Variants in GPC4 observed in about 807,000 individuals in gnomAD.
GPC4 encodes the protein glypican 4, also known as glypican-4.
A neutral mutation model predicts 35.0 loss-of-function variants in GPC4; 10 were observed. The observed-to-expected ratio is 0.29, with a 90% confidence interval of 0.18 to 0.48. The LOEUF (loss-of-function observed/expected upper bound fraction) is 0.48. Ranked by LOEUF, GPC4 falls within the 20% of genes least tolerant of loss-of-function variation. GPC4 has a pLI of 0.99. For synonymous variants in GPC4, 167 were observed against 170.2 expected (o/e 0.98, Z 0.15); for missense variants, 322 against 451.3 (o/e 0.71, Z 2.60).
chrX:133,414,540 C>T (rs2124191313), intron 1 of GPC4: 1 of 751,216 alleles, frequency 1.3e-6, no homozygotes, highest in East Asian at 1.6e-4. Flanking sequence ...AGGCGGGGAG[C>T]GGAGCGCGAC....
intron 1 of GPC4, among the ~76,000 whole-genome samples, chrX:133,386,985 G>A (rs1248742224): frequency 9.0e-6 from 1 of 111,371 alleles, no homozygotes; most frequent in Non-Finnish European, 1.9e-5. Context: ...GAAGTTTCAT[G>A]CGACCTGACA....
At chrX:133,367,957 C>T (rs1328211769) in intron 1 of GPC4, among the ~76,000 whole-genome samples, 1 of 110,980 alleles carries the variant, frequency 9.0e-6, no homozygotes, top group Non-Finnish European at 1.9e-5. Context: ...GAGCCCCTTT[C>T]CTTACCTATA....
At chrX:133,351,984 G>A (rs1432954201) in intron 1 of GPC4, among the ~76,000 whole-genome samples, 2 of 111,969 alleles carry the variant, frequency 1.8e-5, no homozygotes, top group African/African-American at 3.2e-5. Flanking sequence ...CTTGGTCTCC[G>A]CCCTCTTGAA....
At chrX:133,353,443 A>T (rs958100110) in intron 1 of GPC4, among the ~76,000 whole-genome samples, 1 of 112,169 alleles carries the variant, frequency 8.9e-6, no homozygotes, top group African/African-American at 3.2e-5. Context: ...TGAAAGTATC[A>T]GACAGCTTTC....
chrX:133,363,492 G>A (rs2068577849), intron 1 of GPC4, among the ~76,000 whole-genome samples: 1 of 111,240 alleles, frequency 9.0e-6, no homozygotes, highest in Non-Finnish European at 1.9e-5. Context: ...CATTTGATCA[G>A]GACGAGAACC....
chrX:133,408,074 C>G (rs777563502), intron 1 of GPC4, among the ~76,000 whole-genome samples: 168 of 112,631 alleles, frequency 1.5e-3, no homozygotes, highest in African/African-American at 5.2e-3. Flanking sequence ...GAATTAAATG[C>G]ATCAGAACTT....
At chrX:133,346,054 T>C (rs1301918597) in intron 1 of GPC4, among the ~76,000 whole-genome samples, 2 of 111,611 alleles carry the variant, frequency 1.8e-5, no homozygotes, top group Non-Finnish European at 3.8e-5. Flanking sequence ...GTTTACCCCA[T>C]GCAAATGAAG....
intron 1 of GPC4, among the ~76,000 whole-genome samples, chrX:133,380,541 GA>G (rs1250815805): frequency 9.0e-6 from 1 of 111,603 alleles, no homozygotes; most frequent in African/African-American, 3.3e-5. Flanking sequence ...TTTAGTTTGA[GA>G]AGAATCCCTC....
intron 1 of GPC4, among the ~76,000 whole-genome samples, chrX:133,376,710 C>T (rs1440289486): frequency 8.9e-6 from 1 of 112,007 alleles, no homozygotes; most frequent in African/African-American, 3.2e-5. Flanking sequence ...GTCGACAGCC[C>T]CATCCCCTTG....
At position 133,302,858 on chromosome X, in the gene GPC4, G is replaced by A. The variant is rs759928467; in HGVS notation, c.*9C>T. ...TTTTTGATGAACACTTTTTCTCAGA[G>A]TTTGAGAATTATCTCCACTCTCTCT... On this transcript the variant is annotated 3_prime_UTR_variant, in exon 9 of 9. Coordinates refer to ENST00000370828, the MANE Select transcript of GPC4 (RefSeq NM_001448.3). The A allele has an allele frequency of 4.2e-6, 5 of 1,202,076 alleles. No individual in the cohort carries two copies. Among genetic ancestry groups the A allele is most frequent in the African/African-American group, 1.8e-5 (1 of 57,117 alleles).
intron 3 of GPC4, among the ~76,000 whole-genome samples, chrX:133,319,468 A>G (rs893024025): frequency 2.3e-4 from 24 of 106,108 alleles, no homozygotes; most frequent in Admixed American, 1.2e-3. Context: ...AAAAAAAAAA[A>G]AAAGAAAGAA....
At chrX:133,304,568 A>C (rs2068282432) in intron 7 of GPC4, among the ~76,000 whole-genome samples, 157 bp downstream of exon 7, 1 of 112,043 alleles carries the variant, frequency 8.9e-6, no homozygotes, top group African/African-American at 3.2e-5. Context: ...CCTAGTGCAA[A>C]GCCTGTTCCT....
chrX:133,415,202 G>A lies in GPC4; in HGVS notation c.-237C>T, dbSNP rs1307679902. 1 of 375,082 alleles carries A rather than the reference G, an allele frequency of 2.7e-6. No individual in the cohort carries two copies. The highest frequency in any genetic ancestry group is 4.6e-6 in the Non-Finnish European group (1 of 217,660). The allele number at this position is 375,082 out of a possible 1,213,427, so 30.9% of individuals were successfully genotyped here. A position where few individuals can be genotyped will look rare whatever the true frequency, so the allele number is the denominator to read the frequency against. On this transcript the variant is annotated 5_prime_UTR_variant, in exon 1 of 9. In the 5' UTR this introduces an upstream ATG that the reference lacks. Transcript: ENST00000370828. ...CGCCGGGCCAGGGGAGAAGGAGGGC[G>A]TGGAGGCGGCGCGCGGCCCAGGGAA... is the stretch of plus-strand genomic sequence containing the variant.
intron 7 of GPC4, among the ~76,000 whole-genome samples, chrX:133,304,488 C>T (rs1256928971): frequency 9.0e-6 from 1 of 111,653 alleles, no homozygotes; most frequent in Admixed American, 9.5e-5. Flanking sequence ...AGCCCTAATA[C>T]GAGACTATAA....
rs1042259941 is a variant in GPC4, at chrX:133,409,848, G to C, written c.160+4958C>G. 2.7e-5 allele frequency among the ~76,000 whole-genome samples: 3 copies of C among 111,435 alleles called. No homozygotes were observed. In the East Asian group the frequency reaches 8.5e-4, roughly 32 times the overall value. On this transcript the variant is annotated intron_variant, in intron 1 of 8. Coordinates refer to ENST00000370828, the MANE Select transcript of GPC4 (RefSeq NM_001448.3). Reference sequence around the variant, plus strand: ...CAGGATAGAACAGGGATTTAGGAGGGGGGGACAGACAAGAGGCAGGTAGAC... The same window carrying C: ...CAGGATAGAACAGGGATTTAGGAGGCGGGGACAGACAAGAGGCAGGTAGAC...
At chrX:133,304,699 T>C (rs1431362985) in intron 7 of GPC4, 26 bp downstream of exon 7, 1 of 1,206,536 alleles carries the variant, frequency 8.3e-7, no homozygotes, top group Non-Finnish European at 1.1e-6. Flanking sequence ...AGGGAGAAAC[T>C]TCAAATTCAT....
chrX:133,396,771 C>T (rs1000324674), intron 1 of GPC4, among the ~76,000 whole-genome samples: 1 of 111,894 alleles, frequency 8.9e-6, no homozygotes, highest in Non-Finnish European at 1.9e-5. Context: ...CACTTTCAAA[C>T]ACAAAGTGAC....
At chrX:133,414,442 G>A (rs1280445946) in intron 1 of GPC4, 11 of 746,168 alleles carry the variant, frequency 1.5e-5, no homozygotes, top group African/African-American at 2.4e-5. Context: ...CGGAAAAGGA[G>A]AAGTAGCCGG....
chrX:133,329,507 T>C (rs1176832147), intron 2 of GPC4, among the ~76,000 whole-genome samples: 1 of 111,542 alleles, frequency 9.0e-6, no homozygotes, highest in Admixed American at 9.6e-5. Context: ...TGCTTAATGG[T>C]TCTACCTTTA....
Sources: allele counts gnomAD v4.1 joint callset (sites outside exome capture counted in the v4.1 genomes callset), GRCh38; gene constraint gnomAD v4.1.1; transcripts MANE v1.5; gene names NCBI Gene and HGNC (gene_info 2026-07-23, HGNC 2026-07-21).